PRRC2C: variants seen among roughly 807,000 people sequenced by gnomAD.
PRRC2C encodes the protein protein PRRC2C.
PRRC2C carries 72 observed loss-of-function variants against 317.2 expected under a neutral mutation model. The observed-to-expected ratio is 0.23, with a 90% CI of 0.19 to 0.28. The LOEUF is 0.28. PRRC2C is among the 10% of genes least tolerant of loss of function. The pLI is 1.00. For synonymous variants in PRRC2C, 1,296 were observed against 1,205.9 expected, an observed-to-expected ratio of 1.07 and a Z score of -1.55; for missense variants, 3,074 against 3,459.7, an observed-to-expected ratio of 0.89 and a Z score of 2.80.
At chr1:171,509,189 T>A (rs1257818336) in intron 1 of PRRC2C, among the ~76,000 whole-genome samples, 1 of 152,176 alleles carries the variant, frequency 6.6e-6, no homozygotes, top group African/African-American at 2.4e-5. Context: ...CCGGCCCAAT[T>A]TGATTTTTTA....
chr1:171,503,366 G>T (rs12120984), intron 1 of PRRC2C, among the ~76,000 whole-genome samples: 1 of 151,974 alleles, frequency 6.6e-6, no homozygotes, highest in Admixed American at 6.6e-5. Flanking sequence ...TTTACTAAAA[G>T]TACAAAAATT....
chr1:171,548,480 C>T (rs1459522378), intron 17 of PRRC2C, among the ~76,000 whole-genome samples: 3 of 152,206 alleles, frequency 2.0e-5, no homozygotes, highest in African/African-American at 7.2e-5. Flanking sequence ...GTATACTTAT[C>T]GTTTCCAAGA....
rs116431793 is a variant in PRRC2C, at chr1:171,515,175, A to G, written c.400+530A>G. 4.9e-3 allele frequency among the ~76,000 whole-genome samples: 745 copies of G among 152,350 alleles called. 4 individuals are homozygous for G. Among genetic ancestry groups the G allele is most frequent in the African/African-American group, 0.017 (694 of 41,590 alleles). On this transcript the variant is annotated intron_variant, in intron 4 of 34. Transcript: ENST00000647382. ...CTATAAAACATTCTATGGAAGAACC[A>G]ATCTGGGCCCTCAAGCTAACAAAAC...
In PRRC2C at chr1:171,522,201, A is replaced by G; in HGVS notation, c.775A>G (p.Thr259Ala). The change falls in exon 7 of 35, where the codon ACA (threonine) becomes GCA (alanine). Residue 259 changes from threonine (T) to alanine (A), a missense_variant. This residue lies in a region of PRRC2C where 237 missense variants were observed against 199.5 expected (regional missense o/e 1.19). Transcript: ENST00000647382. ...PYMFQQYPRMTYPPLHGPMRF... is the reference protein window; with the variant it reads ...PYMFQQYPRMAYPPLHGPMRF... ...GATGTTCCAACAGTATCCGAGGATGACATATCCTCCTCTACATGGTCCCAT... is the reference window on the plus strand; with the variant it reads ...GATGTTCCAACAGTATCCGAGGATGGCATATCCTCCTCTACATGGTCCCAT... The G allele has an allele frequency of 6.3e-7, 1 of 1,593,222 alleles. No individual in the cohort carries two copies. The highest frequency in any genetic ancestry group is 8.6e-7 in the Non-Finnish European group (1 of 1,164,668).
chr1:171,564,901 T>C (rs1171727651), intron 20 of PRRC2C, among the ~76,000 whole-genome samples: 1 of 152,228 alleles, frequency 6.6e-6, no homozygotes, highest in Non-Finnish European at 1.5e-5. Context: ...CTGAATTGCA[T>C]GCGTTGTTCA....
At chr1:171,555,379 G>T (rs1557991669) in intron 18 of PRRC2C, among the ~76,000 whole-genome samples, 1 of 152,094 alleles carries the variant, frequency 6.6e-6, no homozygotes, top group Non-Finnish European at 1.5e-5. Flanking sequence ...TTTTTTCAAG[G>T]TTTTTAGTTT....
At chr1:171,530,243 C>CTTTTTT (rs778215422) in intron 11 of PRRC2C, among the ~76,000 whole-genome samples, 14 of 63,290 alleles carry the variant, frequency 2.2e-4, no homozygotes, top group Non-Finnish European at 2.9e-4. Flanking sequence ...TGTAGCTGGG[C>CTTTTTT]TTTTTTTTTT....
intron 24 of PRRC2C, among the ~76,000 whole-genome samples, chr1:171,572,065 G>A (rs537073938): frequency 6.6e-6 from 1 of 151,786 alleles, no homozygotes; most frequent in East Asian, 1.9e-4. Context: ...TGTGTTGTTT[G>A]AGAGTATTTT....
chr1:171,584,911 A>T (rs139119443), intron 30 of PRRC2C, among the ~76,000 whole-genome samples: 12 of 152,242 alleles, frequency 7.9e-5, no homozygotes, highest in African/African-American at 2.6e-4. Context: ...AGCTGGGACT[A>T]CAGGCTCACG....
rs1024285954 is a variant in PRRC2C, at chr1:171,573,673, CTTTTTT to C, written c.6754-1236_6754-1231del. ...AAAATATGTACTATGTCTCAAAATT[CTTTTTT>C]TTTTTTTTTTTTTTTTTGAGTTGGA... On this transcript the variant is annotated intron_variant, in intron 24 of 34. Transcript: ENST00000647382. Among the ~76,000 whole-genome samples the C allele has an allele frequency of 4.0e-3, 345 of 85,832 alleles. 3 individuals are homozygous for C. The highest frequency in any genetic ancestry group is 0.015 in the African/African-American group (329 of 21,452). The allele number at this position is 85,832 out of a possible 152,430, so 56.3% of individuals were successfully genotyped here.
At chr1:171,507,743 C>CT (rs1670531303) in intron 1 of PRRC2C, among the ~76,000 whole-genome samples, 1 of 152,198 alleles carries the variant, frequency 6.6e-6, no homozygotes, top group Non-Finnish European at 1.5e-5. Context: ...CCTCTCAGGT[C>CT]TTTCTTTGCT....
chr1:171,578,965 C>G (rs1647870703), intron 26 of PRRC2C, among the ~76,000 whole-genome samples: 1 of 152,088 alleles, frequency 6.6e-6, no homozygotes, highest in African/African-American at 2.4e-5. Flanking sequence ...AATTAAATGT[C>G]AATCCTCTAA....
Position 171,540,302 on chromosome 1 carries a change from G to A in PRRC2C, c.2836G>A (p.Ala946Thr). The A allele has an allele frequency of 6.2e-7, 1 of 1,613,780 alleles. No individual in the cohort carries two copies. The highest frequency in any genetic ancestry group is 8.5e-7 in the Non-Finnish European group (1 of 1,179,860). ...KPDEQRSEPS[A>T]GIPKVTSRCI... ...AGACGAGCAGAGAAGTGAACCATCT[G>A]CAGGCATTCCTAAAGTAACCAGCAG... Residue 946 changes from alanine (A) to threonine (T), a missense_variant, in exon 16 of 35, where the codon GCA becomes ACA. Physicochemically the swap from Ala to Thr is moderately conservative, Grantham distance 58 (BLOSUM62 0). Transcript: ENST00000647382.
chr1:171,530,798 T>C (rs1005023091), intron 11 of PRRC2C, among the ~76,000 whole-genome samples: 10 of 152,184 alleles, frequency 6.6e-5, no homozygotes, highest in South Asian at 2.1e-4. Flanking sequence ...CCCTTATACA[T>C]TGGAAAACCT....
At chr1:171,559,513 T>G (rs1435501932) in intron 19 of PRRC2C, among the ~76,000 whole-genome samples, 8 of 8,150 alleles carry the variant, frequency 9.8e-4, no homozygotes, top group Non-Finnish European at 1.9e-3. Flanking sequence ...AAGTTTGTTT[T>G]TTTTTTTTTT....
In PRRC2C at chr1:171,527,821, C is replaced by T. The variant is rs1306692015; in HGVS notation, c.1231C>T (p.Pro411Ser). Reference protein sequence around the residue: ...ERGTSSHLPPPPKLLAQQHPP... With the variant: ...ERGTSSHLPPSPKLLAQQHPP... The stretch of plus-strand genomic sequence containing the variant: ...TGGAACATCTTCACATCTGCCACCA[C>T]CTCCAAAGTTGCTTGCACAGCAGGT... The change falls in exon 11 of 35, where the codon CCT becomes TCT. Residue 411 changes from proline (P) to serine (S), a missense_variant. Pro to Ser is a moderately conservative substitution (Grantham distance 74). This residue lies in a region of PRRC2C where 1,320 missense variants were observed against 1,395.7 expected (regional missense o/e 0.95). Coordinates refer to ENST00000647382, the MANE Select transcript of PRRC2C (RefSeq NM_001387844.1). 2 of 1,583,692 alleles carry T rather than the reference C, an allele frequency of 1.3e-6. No individual in the cohort carries two copies.
At chr1:171,518,230 A>G (rs1672751885) in intron 6 of PRRC2C, among the ~76,000 whole-genome samples, 1 of 152,246 alleles carries the variant, frequency 6.6e-6, no homozygotes, top group African/African-American at 2.4e-5. Context: ...GTACGTTACC[A>G]TACCACAGAT....
chr1:171,508,045 G>A (rs1005585654), intron 1 of PRRC2C, among the ~76,000 whole-genome samples: 1 of 152,124 alleles, frequency 6.6e-6, no homozygotes, highest in East Asian at 1.9e-4. Context: ...AACAGTTTTT[G>A]TGAAATTTTA....
At chr1:171,580,093 A>G in intron 28 of PRRC2C, 129 bp downstream of exon 28, 1 of 745,272 alleles carries the variant, frequency 1.3e-6, no homozygotes. Flanking sequence ...TACATTGGCT[A>G]ATTGAGCATG....
Sources: allele counts gnomAD v4.1 joint callset (sites outside exome capture counted in the v4.1 genomes callset), GRCh38; gene constraint gnomAD v4.1.1; regional missense constraint gnomAD v4.1.1; transcripts MANE v1.5; gene names NCBI Gene and HGNC (gene_info 2026-07-23, HGNC 2026-07-21).